Variants in BLOC1S3 observed in about 807,000 individuals in gnomAD.
The protein encoded by BLOC1S3 is biogenesis of lysosomal organelles complex 1 subunit 3, also known as biogenesis of lysosome-related organelles complex 1 subunit 3.
A neutral mutation model predicts 9.1 loss-of-function variants in BLOC1S3; 7 were observed. The ratio of observed to expected loss-of-function variants is 0.77; its 90% confidence interval spans 0.44 to 1.45. BLOC1S3 has a LOEUF of 1.45. Among genes scored for constraint, BLOC1S3 ranks in the 40% most tolerant of loss-of-function variants. The pLI is 0.01. For synonymous variants in BLOC1S3, 145 were observed against 158.4 expected (o/e 0.92, Z 0.64); for missense variants, 307 against 315.2 (o/e 0.97, Z 0.20).
intron 3 of BLOC1S3, among the ~76,000 whole-genome samples, chr19:45,206,826 CTTTGT>C (rs1433198192): frequency 1.3e-5 from 2 of 151,516 alleles, no homozygotes; most frequent in East Asian, 1.9e-4. Context: ...AGCTATAGCT[CTTTGT>C]TTTATTATTT....
intron 3 of BLOC1S3, chr19:45,215,991 A>T: frequency 6.4e-7 from 1 of 1,566,166 alleles, no homozygotes. Context: ...CTCAGGAGGC[A>T]GGAAGCACAG....
At chr19:45,189,506 C>T (rs546453437) in intron 2 of BLOC1S3, among the ~76,000 whole-genome samples, 2 of 151,082 alleles carry the variant, frequency 1.3e-5, no homozygotes, top group South Asian at 4.2e-4. Flanking sequence ...GATCTCACCT[C>T]ACCACAACCT....
At chr19:45,213,391 T>G in intron 3 of BLOC1S3, 1 of 1,607,492 alleles carries the variant, frequency 6.2e-7, no homozygotes, top group Non-Finnish European at 8.5e-7. Context: ...TGCATGCAGA[T>G]CCCCAGCTCT....
chr19:45,193,132 CAAAAAAA>C (rs71173123), intron 2 of BLOC1S3, among the ~76,000 whole-genome samples: 195 of 77,932 alleles, frequency 2.5e-3, no homozygotes, highest in African/African-American at 6.6e-3. Context: ...AACTCCGTCT[CAAAAAAA>C]AAAAAAAAAA....
intron 2 of BLOC1S3, among the ~76,000 whole-genome samples, chr19:45,196,142 G>A (rs1021224003): frequency 2.8e-4 from 42 of 152,306 alleles, no homozygotes; most frequent in African/African-American, 9.1e-4. Context: ...GAGTTGTTGG[G>A]TCAAAGGGTG....
chr19:45,182,724 C>T (rs934425033), downstream of BLOC1S3, among the ~76,000 whole-genome samples: 2 of 152,162 alleles, frequency 1.3e-5, no homozygotes, highest in Admixed American at 1.3e-4. Flanking sequence ...CACAATGTTG[C>T]CCAAGTTGGT....
At chr19:45,188,271 C>T (rs903774808) in intron 2 of BLOC1S3, among the ~76,000 whole-genome samples, 2 of 152,192 alleles carry the variant, frequency 1.3e-5, no homozygotes, top group Admixed American at 1.3e-4. Context: ...GATCTGCCTG[C>T]CTCAGCCTCC....
At chr19:45,195,012 A>G (rs1969636534) in intron 2 of BLOC1S3, among the ~76,000 whole-genome samples, 1 of 150,720 alleles carries the variant, frequency 6.6e-6, no homozygotes, top group African/African-American at 2.4e-5. Context: ...GCTCACTGCA[A>G]TCTCCGCCTC....
At chr19:45,197,681 C>A (rs1189949541) in intron 2 of BLOC1S3, among the ~76,000 whole-genome samples, 1 of 151,330 alleles carries the variant, frequency 6.6e-6, no homozygotes, top group Non-Finnish European at 1.5e-5. Context: ...AAAAATTAGC[C>A]AGGCATGATG....
chr19:45,180,235 A>AATTTTTTTTTTTTTTTTTTTTTTTTT lies in BLOC1S3; in HGVS notation c.*330_*331insATTTTTTTTTTTTTTTTTTTTTTTTT, dbSNP rs1555752038. The AATTTTTTTTTTTTTTTTTTTTTTTTT allele has an allele frequency of 1.1e-5, 1 of 90,228 alleles. No homozygotes were observed. The highest frequency in any genetic ancestry group is 5.6e-5 in the African/African-American group (1 of 17,882). 5.6% of individuals were successfully genotyped at this position (90,228 alleles called of 1,614,324 possible). On this transcript the variant is annotated 3_prime_UTR_variant, in exon 2 of 2. Coordinates refer to ENST00000433642, the MANE Select transcript of BLOC1S3 (RefSeq NM_212550.5). ...CTGTTTCCACCCTGGGGGCTCACCA[A>AATTTTTTTTTTTTTTTTTTTTTTTTT]TTTTTTTTTTTTTTTTTTTTTTTTG...
intron 2 of BLOC1S3, among the ~76,000 whole-genome samples, chr19:45,200,325 G>A (rs930747528): frequency 2.5e-4 from 38 of 152,116 alleles, no homozygotes; most frequent in African/African-American, 8.9e-4. Context: ...GGGACTACAG[G>A]CGCCTACCAC....
chr19:45,213,253 C>T (rs1182468853), intron 3 of BLOC1S3: 7 of 1,613,266 alleles, frequency 4.3e-6, no homozygotes, highest in Non-Finnish European at 5.1e-6. Context: ...TGACAGGGCT[C>T]CCTCCTCAGA....
intron 3 of BLOC1S3, chr19:45,216,064 G>A: frequency 6.2e-7 from 1 of 1,613,604 alleles, no homozygotes; most frequent in Non-Finnish European, 8.5e-7. Flanking sequence ...CCCAGGCGGG[G>A]TGTCTCACCT....
intron 2 of BLOC1S3, among the ~76,000 whole-genome samples, chr19:45,196,991 C>T (rs545157388): frequency 5.3e-4 from 80 of 152,006 alleles, no homozygotes; most frequent in Admixed American, 1.1e-3. Flanking sequence ...GCCATGGCTT[C>T]TTGCAGGGGG....
chr19:45,190,455 A>C (rs1351827760), intron 2 of BLOC1S3, among the ~76,000 whole-genome samples: 1 of 151,678 alleles, frequency 6.6e-6, no homozygotes, highest in Admixed American at 6.6e-5. Flanking sequence ...GCTGGAGTGC[A>C]GTGCCACAGT....
At chr19:45,198,302 G>T (rs2081550706) in intron 2 of BLOC1S3, among the ~76,000 whole-genome samples, 1 of 152,070 alleles carries the variant, frequency 6.6e-6, no homozygotes, top group Admixed American at 6.6e-5. Context: ...TGTTTGTTTT[G>T]TTTTGTTTTC....
At chr19:45,213,437 A>G in intron 3 of BLOC1S3, 1 of 1,532,716 alleles carries the variant, frequency 6.5e-7, no homozygotes, top group Non-Finnish European at 8.8e-7. Flanking sequence ...ACCCCACCTG[A>G]CCCCCTCACC....
chr19:45,187,902 A>G (rs1442749441), intron 2 of BLOC1S3, among the ~76,000 whole-genome samples: 1 of 152,066 alleles, frequency 6.6e-6, no homozygotes. Flanking sequence ...GGTACATAGT[A>G]GATGTATATA....
chr19:45,196,332 C>T (rs1434273977), intron 2 of BLOC1S3, among the ~76,000 whole-genome samples: 1 of 151,772 alleles, frequency 6.6e-6, no homozygotes, highest in African/African-American at 2.4e-5. Context: ...GAGCTGAGAT[C>T]GCACCAGTGC....
Sources: gnomAD v4.1 joint callset for allele counts (sites outside exome capture counted in the v4.1 genomes callset) on GRCh38, gnomAD v4.1.1 for gene constraint, MANE v1.5 for transcripts, NCBI Gene and HGNC (gene_info 2026-07-23, HGNC 2026-07-21) for gene names.